RAB27B: variants seen among roughly 807,000 people sequenced by gnomAD.
The protein encoded by RAB27B is ras-related protein Rab-27B.
Under a neutral mutation model 24.6 loss-of-function variants are expected in RAB27B, and 15 were observed. The ratio of observed to expected loss-of-function variants is 0.61; its 90% CI spans 0.41 to 0.94. The LOEUF (loss-of-function observed/expected upper bound fraction) is 0.94. RAB27B is among the 40% of genes least tolerant of loss of function. The pLI is 0.00. For synonymous variants in RAB27B, 105 were observed against 92.5 expected (o/e 1.14, Z -0.78); for missense variants, 261 against 266.8 (o/e 0.98, Z 0.15).
chr18:54,858,002 A>C (rs1911852317), intron 1 of RAB27B, among the ~76,000 whole-genome samples: 1 of 152,232 alleles, frequency 6.6e-6, no homozygotes, highest in East Asian at 1.9e-4. Context: ...CTTTCAGATG[A>C]TGTTGGAAGA....
intron 2 of RAB27B, among the ~76,000 whole-genome samples, chr18:54,739,556 T>C (rs961848477): frequency 9.7e-5 from 14 of 144,306 alleles, no homozygotes; most frequent in Admixed American, 2.1e-4. Flanking sequence ...TTCTTTCTTT[T>C]TTTTTTTTGC....
intron 2 of RAB27B, among the ~76,000 whole-genome samples, chr18:54,812,815 A>G (rs1910008995): frequency 6.6e-6 from 1 of 152,176 alleles, no homozygotes; most frequent in Admixed American, 6.5e-5. Context: ...ACAAGCACAC[A>G]TATATATGTA....
chr18:54,842,024 CAT>C (rs1911139518), intron 1 of RAB27B, among the ~76,000 whole-genome samples: 1 of 152,174 alleles, frequency 6.6e-6, no homozygotes, highest in Non-Finnish European at 1.5e-5. Context: ...GCCACATGAA[CAT>C]GTGTGTGTGA....
chr18:54,791,062 A>T (rs1326685700), intron 2 of RAB27B, among the ~76,000 whole-genome samples: 1 of 152,228 alleles, frequency 6.6e-6, no homozygotes, highest in Non-Finnish European at 1.5e-5. Context: ...GGAACATTGC[A>T]TTAAGAAGGT....
At chr18:54,797,129 A>G (rs1233749297) in intron 2 of RAB27B, among the ~76,000 whole-genome samples, 2 of 152,252 alleles carry the variant, frequency 1.3e-5, no homozygotes, top group Non-Finnish European at 2.9e-5. Context: ...TGATATATGC[A>G]GAAAGGCAAA....
chr18:54,876,871 T>G (rs1306830156), intron 1 of RAB27B, among the ~76,000 whole-genome samples: 2 of 152,120 alleles, frequency 1.3e-5, no homozygotes, highest in East Asian at 3.9e-4. Flanking sequence ...GACTCTCTCC[T>G]CTTCCTAATA....
chr18:54,852,978 A>G (rs932746028), intron 1 of RAB27B, among the ~76,000 whole-genome samples: 18 of 152,320 alleles, frequency 1.2e-4, no homozygotes, highest in African/African-American at 3.4e-4. Flanking sequence ...TATCTGTCTC[A>G]AGGTCATTTC....
upstream of RAB27B, among the ~76,000 whole-genome samples, chr18:54,824,900 C>T (rs1326306005): frequency 6.6e-6 from 1 of 151,992 alleles, no homozygotes; most frequent in Non-Finnish European, 1.5e-5. Flanking sequence ...ACACTTATTG[C>T]TCTGGAGAAT....
chr18:54,798,874 C>T (rs578180807), intron 2 of RAB27B, among the ~76,000 whole-genome samples: 5 of 152,212 alleles, frequency 3.3e-5, no homozygotes, highest in African/African-American at 1.2e-4. Flanking sequence ...TGTCCATGTC[C>T]TAAATGTATT....
intron 2 of RAB27B, among the ~76,000 whole-genome samples, chr18:54,765,729 C>G (rs1205938712): frequency 6.6e-6 from 1 of 152,184 alleles, no homozygotes; most frequent in Non-Finnish European, 1.5e-5. Flanking sequence ...TTCCTTTCCC[C>G]ATACCCACTT....
intron 2 of RAB27B, among the ~76,000 whole-genome samples, chr18:54,812,093 G>A (rs1272020466): frequency 6.6e-6 from 1 of 152,116 alleles, no homozygotes; most frequent in South Asian, 2.1e-4. Flanking sequence ...AATATCTGTT[G>A]TACCTTTCTC....
At chr18:54,808,624 T>C (rs1316546320) in intron 2 of RAB27B, among the ~76,000 whole-genome samples, 4 of 152,216 alleles carry the variant, frequency 2.6e-5, no homozygotes, top group Non-Finnish European at 5.9e-5. Context: ...TAGTTTACGA[T>C]TGATCATTCA....
chr18:54,757,605 G>A (rs984477109), intron 2 of RAB27B, among the ~76,000 whole-genome samples: 1 of 152,000 alleles, frequency 6.6e-6, no homozygotes, highest in Non-Finnish European at 1.5e-5. Context: ...AACTGAATAT[G>A]AACAAATTTG....
chr18:54,873,289 T>A (rs1341721506), intron 1 of RAB27B, among the ~76,000 whole-genome samples: 1 of 152,204 alleles, frequency 6.6e-6, no homozygotes. Flanking sequence ...TCCCTACTCT[T>A]TTTAGCCCCT....
At chr18:54,819,531 CAAA>C (rs33940922) in intron 2 of RAB27B, among the ~76,000 whole-genome samples, 1 of 65,162 alleles carries the variant, frequency 1.5e-5, no homozygotes, top group South Asian at 5.3e-4. Context: ...GACTCCATCT[CAAA>C]AAAAAAAAAA....
chr18:54,752,319 T>G (rs1346520311), intron 2 of RAB27B, among the ~76,000 whole-genome samples: 1 of 152,156 alleles, frequency 6.6e-6, no homozygotes, highest in Non-Finnish European at 1.5e-5. Context: ...TGAGGAGCTT[T>G]TATTAAAGAC....
At chr18:54,830,306 C>T (rs1014935332) in intron 1 of RAB27B, among the ~76,000 whole-genome samples, 8 of 152,144 alleles carry the variant, frequency 5.3e-5, no homozygotes, top group Admixed American at 1.3e-4. Context: ...TCCAAATGTC[C>T]AGGTAGTTCA....
intron 2 of RAB27B, among the ~76,000 whole-genome samples, chr18:54,742,543 A>G (rs1276138442): frequency 2.6e-5 from 4 of 152,204 alleles, no homozygotes; most frequent in South Asian, 2.1e-4. Context: ...TATGTCTGCA[A>G]TAGATTGGCC....
intron 1 of RAB27B, among the ~76,000 whole-genome samples, chr18:54,843,634 C>T (rs1408571475): frequency 1.3e-5 from 2 of 152,132 alleles, no homozygotes; most frequent in African/African-American, 4.8e-5. Flanking sequence ...CTGATGTCAA[C>T]CTATTATAAA....
Sources: gnomAD v4.1 joint callset for allele counts (sites outside exome capture counted in the v4.1 genomes callset) on GRCh38, gnomAD v4.1.1 for gene constraint, MANE v1.5 for transcripts, NCBI Gene and HGNC (gene_info 2026-07-23, HGNC 2026-07-21) for gene names.